SPAST: variants seen among roughly 807,000 people sequenced by gnomAD.
The protein encoded by SPAST is spastic paraplegia 4 (autosomal dominant; spastin).
SPAST carries 30 observed loss-of-function variants against 76.6 expected under a neutral mutation model. The ratio of observed to expected loss-of-function variants is 0.39; its 90% confidence interval spans 0.29 to 0.53. The LOEUF (loss-of-function observed/expected upper bound fraction) is 0.53, where lower values mean the gene tolerates loss of function less well. Ranked by LOEUF, SPAST falls within the 20% of genes least tolerant of loss-of-function variation. SPAST has a pLI of 0.68. For missense variants in SPAST, 717 were observed against 770.5 expected (o/e 0.93, Z 0.82); for synonymous variants, 305 against 281.0 (o/e 1.09, Z -0.86).
chr2:32,124,687 A>G (rs1261123297), intron 7 of SPAST, among the ~76,000 whole-genome samples: 1 of 152,226 alleles, frequency 6.6e-6, no homozygotes, highest in Non-Finnish European at 1.5e-5. Flanking sequence ...TTGGTATATC[A>G]TGTAATGGAG....
At chr2:32,107,739 C>A (rs1397841871) in intron 4 of SPAST, among the ~76,000 whole-genome samples, 1 of 152,122 alleles carries the variant, frequency 6.6e-6, no homozygotes, top group East Asian at 1.9e-4. Flanking sequence ...ATACTCAACC[C>A]ATAATCTTTT....
At chr2:32,094,671 A>G (rs968701184) in intron 3 of SPAST, among the ~76,000 whole-genome samples, 1 of 152,210 alleles carries the variant, frequency 6.6e-6, no homozygotes, top group Non-Finnish European at 1.5e-5. Context: ...AGCAGTTACA[A>G]AGATTTTTAA....
At chr2:32,146,851 C>CAAAA (rs397984237) in intron 15 of SPAST, among the ~76,000 whole-genome samples, 9 of 19,234 alleles carry the variant, frequency 4.7e-4, no homozygotes, top group African/African-American at 6.0e-4. Flanking sequence ...GACTCTGTCT[C>CAAAA]AAAAAAAAAA....
chr2:32,097,086 A>AT (rs1315859463), intron 3 of SPAST, among the ~76,000 whole-genome samples: 1 of 152,202 alleles, frequency 6.6e-6, no homozygotes, highest in Non-Finnish European at 1.5e-5. Context: ...TAGGTGCTGC[A>AT]TTTTTTATGT....
chr2:32,153,593 G>A (rs560872797), intron 16 of SPAST, among the ~76,000 whole-genome samples: 1 of 151,954 alleles, frequency 6.6e-6, no homozygotes, highest in Non-Finnish European at 1.5e-5. Context: ...GGGGATTACA[G>A]GTGTGAGCCA....
intron 7 of SPAST, among the ~76,000 whole-genome samples, chr2:32,124,888 G>A (rs1456738808): frequency 6.6e-6 from 1 of 152,226 alleles, no homozygotes; most frequent in African/African-American, 2.4e-5. Flanking sequence ...GGGAGACAGG[G>A]AGAGATGAAT....
chr2:32,077,592 A>G (rs1326015099), intron 1 of SPAST, among the ~76,000 whole-genome samples: 2 of 152,148 alleles, frequency 1.3e-5, no homozygotes, highest in Non-Finnish European at 2.9e-5. Flanking sequence ...CCAAAATCAT[A>G]TTGCTATTAA....
Position 32,128,300 on chromosome 2 carries a change from G to A in SPAST, c.1174-108G>A, listed in dbSNP as rs537836691. The A allele has an allele frequency of 4.9e-5, 42 of 860,994 alleles. No homozygotes were observed. The East Asian group carries it at 1.1e-3, about 22-fold the overall frequency. 53.3% of individuals were successfully genotyped at this position (860,994 alleles called of 1,614,324 possible). A position where few individuals can be genotyped will look rare whatever the true frequency, so the allele number is the denominator to read the frequency against. ...ATGAGCCACCACACCTGGCCTCATA[G>A]CTTACATTTTTAGAGAATCTTTTCT... is the stretch of plus-strand genomic sequence containing the variant. On this transcript the variant is annotated intron_variant, in intron 8 of 16. Transcript: ENST00000315285.
Position 32,109,917 on chromosome 2 carries a change from T to C in SPAST, c.683-4721T>C, listed in dbSNP as rs1678473463. Among the ~76,000 whole-genome samples, 5 of 148,704 alleles carry C rather than the reference T, an allele frequency of 3.4e-5. No homozygotes were observed. In the South Asian group the frequency reaches 1.0e-3, roughly 31 times the overall value. Reference sequence around the variant, plus strand: ...ATGTATATGCATACACATATATAGTTACATATGTATATGCATATACATATA... The same window carrying C: ...ATGTATATGCATACACATATATAGTCACATATGTATATGCATATACATATA... On this transcript the variant is annotated intron_variant, in intron 4 of 16. Transcript: ENST00000315285.
At chr2:32,096,206 G>C (rs1031218335) in intron 3 of SPAST, among the ~76,000 whole-genome samples, 1 of 151,296 alleles carries the variant, frequency 6.6e-6, no homozygotes, top group African/African-American at 2.4e-5. Flanking sequence ...AGGCCGAGGC[G>C]GGCAGATCAC....
At chr2:32,147,966 C>T (rs1222361890) in intron 16 of SPAST, among the ~76,000 whole-genome samples, 1 of 126,300 alleles carries the variant, frequency 7.9e-6, no homozygotes, top group Non-Finnish European at 1.6e-5. Context: ...CAGGGTCTTG[C>T]TCTGTTCTCA....
rs188337136 is a variant in SPAST, at chr2:32,103,371, G to A, written c.682+4480G>A. Reference sequence around the variant, plus strand: ...TTCTTCTCTCTTTTCTTCTTTATTAGTCTTGGTAGCAGTCTATCAGTTTTG... The same window carrying A: ...TTCTTCTCTCTTTTCTTCTTTATTAATCTTGGTAGCAGTCTATCAGTTTTG... On this transcript the variant is annotated intron_variant, in intron 4 of 16. Transcript: ENST00000315285. 1.4e-3 allele frequency among the ~76,000 whole-genome samples: 212 copies of A among 151,966 alleles called. 2 individuals are homozygous for A. Among genetic ancestry groups the A allele is most frequent in the Admixed American group, 3.3e-3 (51 of 15,236 alleles).
intron 1 of SPAST, among the ~76,000 whole-genome samples, chr2:32,075,203 A>T (rs528006531): frequency 3.3e-5 from 5 of 151,462 alleles, no homozygotes; most frequent in Admixed American, 6.6e-5. Context: ...TGGGCAGATT[A>T]CGAGGTCAGG....
At chr2:32,134,196 C>T (rs1380240607) in intron 9 of SPAST, among the ~76,000 whole-genome samples, 1 of 151,700 alleles carries the variant, frequency 6.6e-6, no homozygotes, top group African/African-American at 2.4e-5. Flanking sequence ...CCACCATGCC[C>T]AGCTAATTTT....
chr2:32,118,502 C>T (rs763279670), intron 7 of SPAST, among the ~76,000 whole-genome samples: 1 of 151,984 alleles, frequency 6.6e-6, no homozygotes, highest in Non-Finnish European at 1.5e-5. Flanking sequence ...ACGTAGCTTA[C>T]GTATTGAGCT....
At chr2:32,121,169 G>T (rs1161085145) in intron 7 of SPAST, among the ~76,000 whole-genome samples, 1 of 151,856 alleles carries the variant, frequency 6.6e-6, no homozygotes, top group Non-Finnish European at 1.5e-5. Flanking sequence ...TGGGGGCAGG[G>T]GGGAAGGAGT....
chr2:32,064,336 C>A, intron 1 of SPAST, 90 bp downstream of exon 1: 1 of 1,226,674 alleles, frequency 8.2e-7, no homozygotes, highest in Non-Finnish European at 1.2e-6. Context: ...CCCTTTTCTG[C>A]GGGAGGGGAC....
At chr2:32,079,581 C>T (rs1313304952) in intron 1 of SPAST, among the ~76,000 whole-genome samples, 1 of 137,810 alleles carries the variant, frequency 7.3e-6, no homozygotes, top group Non-Finnish European at 1.5e-5. Flanking sequence ...TTTTTTCTGA[C>T]ATTGGGTCTT....
At chr2:32,152,247 A>C (rs1280925842) in intron 16 of SPAST, among the ~76,000 whole-genome samples, 1 of 152,186 alleles carries the variant, frequency 6.6e-6, no homozygotes, top group East Asian at 1.9e-4. Flanking sequence ...ATAGACTTAA[A>C]GTACAATTAC....
Sources: gnomAD v4.1 joint callset for allele counts (sites outside exome capture counted in the v4.1 genomes callset) on GRCh38, gnomAD v4.1.1 for gene constraint, MANE v1.5 for transcripts, NCBI Gene and HGNC (gene_info 2026-07-23, HGNC 2026-07-21) for gene names.